Variants in IGSF11 observed in about 807,000 individuals in gnomAD.
IGSF11 encodes CXADR like 1.
In IGSF11, 22 loss-of-function variants were observed where a neutral mutation model predicts 41.0. The observed-to-expected ratio is 0.54, with a 90% CI of 0.38 to 0.77. The LOEUF is 0.77. Among genes scored for constraint, IGSF11 ranks in the 30% least tolerant of loss-of-function variants. The pLI is 0.00. For synonymous variants in IGSF11, 219 were observed against 201.3 expected (o/e 1.09, Z -0.74); for missense variants, 444 against 530.8 (o/e 0.84, Z 1.61).
intron 1 of IGSF11, among the ~76,000 whole-genome samples, chr3:119,015,902 A>G (rs1408469824): frequency 6.6e-6 from 1 of 152,176 alleles, no homozygotes; most frequent in East Asian, 1.9e-4. Flanking sequence ...TTTCCATGAG[A>G]GAAAAACGAT....
At chr3:118,971,597 G>T (rs1933431075) in intron 1 of IGSF11, among the ~76,000 whole-genome samples, 1 of 152,086 alleles carries the variant, frequency 6.6e-6, no homozygotes, top group Non-Finnish European at 1.5e-5. Context: ...GAGGTCAGGG[G>T]TTCAAGACCA....
chr3:118,971,232 T>C (rs1034391643), intron 1 of IGSF11, among the ~76,000 whole-genome samples: 2 of 152,188 alleles, frequency 1.3e-5, no homozygotes, highest in African/African-American at 4.8e-5. Context: ...CATTTTTACA[T>C]ACTACATTAT....
rs111405363 is a variant in IGSF11 at position 119,126,562 on chromosome 3, C to T, written c.-14+19251G>A. Among the ~76,000 whole-genome samples the T allele has an allele frequency of 3.6e-3, 547 of 152,306 alleles. 2 individuals are homozygous for T. The highest frequency in any genetic ancestry group is 0.012 in the African/African-American group (511 of 41,580). ...GAGTCCTGCTCCCTGTACCACCCAA[C>T]TGGGTGAGGCACTCCAACAGGGGTT... On this transcript the variant is annotated intron_variant, in intron 1 of 7. Transcript: ENST00000425327.
chr3:119,034,739 C>T lies in IGSF11; in HGVS notation c.-157G>A, dbSNP rs953840479. 4 of 1,336,748 alleles carry T rather than the reference C, an allele frequency of 3.0e-6. No homozygotes were observed. Among genetic ancestry groups the T allele is most frequent in the African/African-American group, 1.5e-5 (1 of 65,262 alleles). 82.8% of individuals were successfully genotyped at this position (1,336,748 alleles called of 1,614,324 possible). A position where few individuals can be genotyped will look rare whatever the true frequency, so the allele number is the denominator to read the frequency against. Reference sequence around the variant, plus strand: ...CGCAGAGCTGGGACTGTCAGACCCACAGACGAGCCAAGTGCAGCTGCAGCG... The same window carrying T: ...CGCAGAGCTGGGACTGTCAGACCCATAGACGAGCCAAGTGCAGCTGCAGCG... On this transcript the variant is annotated 5_prime_UTR_variant, in exon 1 of 7. It adds an upstream start codon to the 5' untranslated region. Transcript: ENST00000393775.
chr3:119,038,265 TA>T (rs1402197946), upstream of IGSF11, among the ~76,000 whole-genome samples: 1 of 152,240 alleles, frequency 6.6e-6, no homozygotes, highest in Non-Finnish European at 1.5e-5. Context: ...GACCACTTAA[TA>T]TTTTAAAACA....
chr3:119,084,840 G>T (rs1559858570), intron 1 of IGSF11, among the ~76,000 whole-genome samples: 1 of 152,220 alleles, frequency 6.6e-6, no homozygotes, highest in Non-Finnish European at 1.5e-5. Flanking sequence ...AGGTCCTGGT[G>T]TTCCAGGGTT....
intron 1 of IGSF11, among the ~76,000 whole-genome samples, chr3:119,045,137 G>A (rs180895183): frequency 3.3e-5 from 5 of 152,262 alleles, no homozygotes. Flanking sequence ...ACAAAAGGGA[G>A]GAGCCCAGAT....
intron 1 of IGSF11, among the ~76,000 whole-genome samples, chr3:119,134,800 T>C (rs543263952): frequency 1.3e-5 from 2 of 152,220 alleles, no homozygotes; most frequent in South Asian, 4.2e-4. Flanking sequence ...CTACCTGACT[T>C]CAAACTATAC....
intron 1 of IGSF11, among the ~76,000 whole-genome samples, chr3:118,955,903 T>C (rs1238710346): frequency 1.3e-5 from 2 of 152,180 alleles, no homozygotes; most frequent in Non-Finnish European, 2.9e-5. Flanking sequence ...AAGTCCTAGA[T>C]GGCATTTTCT....
At position 118,902,720 on chromosome 3, in the gene IGSF11, G is replaced by A. The variant is rs1379867632; in HGVS notation, c.1096C>T (p.Pro366Ser). Reference protein sequence around the residue: ...SIYANGTHLVPGQHKTLVVTA... With the variant: ...SIYANGTHLVSGQHKTLVVTA... ...ACTACCAGAGTCTTATGTTGACCCG[G>A]GACCAGATGGGTCCCATTAGCATAA... Residue 366 changes from proline to serine, a missense_variant, in exon 7 of 7, where the codon CCG (proline) becomes TCG (serine). By Grantham distance (74) the Pro-to-Ser change is moderately conservative (BLOSUM62 -1). Coordinates refer to ENST00000393775, the MANE Select transcript of IGSF11 (RefSeq NM_001015887.3). 1.2e-6 allele frequency: 2 copies of A among 1,614,104 alleles called. No homozygotes were observed. The highest frequency in any genetic ancestry group is 2.2e-5 in the South Asian group (2 of 91,078).
At chr3:118,989,020 A>G (rs2107648690) in intron 1 of IGSF11, among the ~76,000 whole-genome samples, 1 of 152,368 alleles carries the variant, frequency 6.6e-6, no homozygotes, top group South Asian at 2.1e-4. Flanking sequence ...AGTTGTGATT[A>G]TAGGGTAATA....
chr3:118,951,220 T>G (rs539860107), intron 1 of IGSF11, among the ~76,000 whole-genome samples: 1 of 152,316 alleles, frequency 6.6e-6, no homozygotes, highest in South Asian at 2.1e-4. Context: ...CTTTAAATAC[T>G]CAGTCTTTTT....
intron 1 of IGSF11, among the ~76,000 whole-genome samples, chr3:118,948,864 C>T (rs1196296369): frequency 2.3e-4 from 35 of 150,492 alleles, no homozygotes; most frequent in African/African-American, 7.6e-4. Flanking sequence ...CCCAGCTACT[C>T]GGGAGGCTCA....
chr3:119,047,441 A>C (rs1323475426), intron 1 of IGSF11, among the ~76,000 whole-genome samples: 1 of 152,228 alleles, frequency 6.6e-6, no homozygotes, highest in African/African-American at 2.4e-5. Context: ...CAAAAAGAAG[A>C]GCTAACTATC....
At chr3:119,114,222 C>G (rs1392055069) in intron 1 of IGSF11, among the ~76,000 whole-genome samples, 1 of 152,240 alleles carries the variant, frequency 6.6e-6, no homozygotes, top group Non-Finnish European at 1.5e-5. Context: ...ATGCAAATTT[C>G]TGCAGCCAGC....
chr3:119,087,495 C>T (rs752235345), intron 1 of IGSF11, among the ~76,000 whole-genome samples: 5 of 151,790 alleles, frequency 3.3e-5, no homozygotes, highest in Admixed American at 6.6e-5. Context: ...GAATTGGAGA[C>T]GATTATTTTA....
chr3:119,106,948 T>C (rs547720211), upstream of IGSF11, among the ~76,000 whole-genome samples: 1 of 152,352 alleles, frequency 6.6e-6, no homozygotes, highest in African/African-American at 2.4e-5. Flanking sequence ...TAGTATTCTA[T>C]GGTGTATATG....
intron 1 of IGSF11, among the ~76,000 whole-genome samples, chr3:119,061,879 TTC>T (rs1942063462): frequency 6.6e-6 from 1 of 152,146 alleles, no homozygotes; most frequent in African/African-American, 2.4e-5. Context: ...TAGTGTATAT[TTC>T]TTGATGTCTA....
intron 1 of IGSF11, among the ~76,000 whole-genome samples, chr3:119,045,685 G>A (rs1329196086): frequency 4.6e-5 from 7 of 151,924 alleles, no homozygotes. Context: ...TCCACCTCTG[G>A]GGGCAGGGCA....
Sources: allele counts gnomAD v4.1 joint callset (sites outside exome capture counted in the v4.1 genomes callset), GRCh38; gene constraint gnomAD v4.1.1; transcripts MANE v1.5; gene names NCBI Gene and HGNC (gene_info 2026-07-23, HGNC 2026-07-21).